Variants in CDKAL1 observed in about 807,000 individuals in gnomAD.
CDKAL1 encodes the protein threonylcarbamoyladenosine tRNA methylthiotransferase.
A neutral mutation model predicts 68.2 loss-of-function variants in CDKAL1; 32 were observed. The observed-to-expected ratio is 0.47, with a 90% CI of 0.35 to 0.63. CDKAL1 has a LOEUF of 0.63. Ranked by LOEUF, CDKAL1 falls within the 30% of genes least tolerant of loss-of-function variation. The probability of loss-of-function intolerance (pLI) is 0.00; values close to 1 mark genes in which losing one functional copy is unlikely to be tolerated. For synonymous variants in CDKAL1, 234 were observed against 244.3 expected (o/e 0.96, Z 0.39); for missense variants, 606 against 696.7 (o/e 0.87, Z 1.47).
chr6:21,087,702 A>G (rs1026748201), intron 12 of CDKAL1, among the ~76,000 whole-genome samples: 2 of 152,136 alleles, frequency 1.3e-5, no homozygotes, highest in African/African-American at 4.8e-5. Context: ...CTCTTGGTCA[A>G]TGGTTCTTAA....
intron 8 of CDKAL1, among the ~76,000 whole-genome samples, chr6:20,793,404 T>C (rs1459396300): frequency 6.6e-6 from 1 of 152,172 alleles, no homozygotes; most frequent in Non-Finnish European, 1.5e-5. Flanking sequence ...AGATGTCAAA[T>C]GCCCATGAGG....
chr6:20,770,260 A>G lies in CDKAL1; in HGVS notation c.518-10885A>G, dbSNP rs577627465. The stretch of plus-strand genomic sequence containing the variant: ...AAATGAGTGAGTGAACGTATTCCCT[A>G]ACTATAAGCAACTGTTAAAAAAGCC... On this transcript the variant is annotated intron_variant, in intron 7 of 15. Transcript: ENST00000274695. Among the ~76,000 whole-genome samples the G allele has an allele frequency of 4.6e-5, 7 of 152,296 alleles. No homozygotes were observed. In the East Asian group the frequency reaches 1.3e-3, roughly 29 times the overall value.
intron 13 of CDKAL1, among the ~76,000 whole-genome samples, chr6:21,155,810 C>T (rs1776614230): frequency 6.6e-6 from 1 of 152,066 alleles, no homozygotes; most frequent in Admixed American, 6.5e-5. Flanking sequence ...TCCAGGCCTT[C>T]CAAATGTGCT....
chr6:20,971,673 A>C (rs1206905603), intron 10 of CDKAL1, among the ~76,000 whole-genome samples: 7 of 152,184 alleles, frequency 4.6e-5, no homozygotes, highest in Non-Finnish European at 1.0e-4. Context: ...CAAATGGGTC[A>C]TTATTGTATT....
chr6:20,866,305 T>G (rs112568505), intron 9 of CDKAL1, among the ~76,000 whole-genome samples: 2,079 of 152,256 alleles, frequency 0.014, 32 homozygotes, highest in African/African-American at 0.047. Context: ...GAATAGCTAT[T>G]TCAAATATTT....
At chr6:21,092,351 A>G (rs1450674875) in intron 12 of CDKAL1, among the ~76,000 whole-genome samples, 1 of 150,626 alleles carries the variant, frequency 6.6e-6, no homozygotes, top group African/African-American at 2.4e-5. Context: ...GCACCTGTCA[A>G]CCCTTCATCT....
At chr6:21,032,014 T>C (rs1198893342) in intron 11 of CDKAL1, among the ~76,000 whole-genome samples, 3 of 152,116 alleles carry the variant, frequency 2.0e-5, no homozygotes, top group East Asian at 1.9e-4. Context: ...ACAGTATCCA[T>C]GCCATTTCGA....
chr6:21,107,462 C>G (rs1311157352), intron 12 of CDKAL1, among the ~76,000 whole-genome samples: 1 of 152,016 alleles, frequency 6.6e-6, no homozygotes, highest in Non-Finnish European at 1.5e-5. Flanking sequence ...GAGTCTCCCT[C>G]TGTTGCCCAG....
At chr6:20,712,504 G>GAA (rs372310205) in intron 5 of CDKAL1, among the ~76,000 whole-genome samples, 1 of 100,558 alleles carries the variant, frequency 9.9e-6, no homozygotes. Context: ...TGATGTGTTA[G>GAA]AAAAAAAAAA....
chr6:20,918,746 C>T (rs951181041), intron 9 of CDKAL1, among the ~76,000 whole-genome samples: 1 of 152,284 alleles, frequency 6.6e-6, no homozygotes, highest in East Asian at 1.9e-4. Context: ...ATTCCTATGC[C>T]TAAATTTAAT....
chr6:21,159,952 G>A (rs1776832920), intron 13 of CDKAL1, among the ~76,000 whole-genome samples: 1 of 152,168 alleles, frequency 6.6e-6, no homozygotes, highest in Non-Finnish European at 1.5e-5. Flanking sequence ...AAAGATCTTT[G>A]CAATGAGGCC....
At chr6:21,184,827 T>C (rs1008069727) in intron 13 of CDKAL1, among the ~76,000 whole-genome samples, 1 of 145,462 alleles carries the variant, frequency 6.9e-6, no homozygotes. Flanking sequence ...CAGCTAATTT[T>C]TTTTTTTTTT....
At chr6:20,929,272 T>G (rs1308659823) in intron 9 of CDKAL1, among the ~76,000 whole-genome samples, 1 of 152,168 alleles carries the variant, frequency 6.6e-6, no homozygotes, top group Admixed American at 6.5e-5. Context: ...CTCAGTTTTT[T>G]TGGGGACTAC....
At chr6:20,858,320 T>C (rs1311375563) in intron 9 of CDKAL1, among the ~76,000 whole-genome samples, 1 of 145,830 alleles carries the variant, frequency 6.9e-6, no homozygotes, top group African/African-American at 2.5e-5. Context: ...TTATTCTGTA[T>C]TGACTTTTTT....
chr6:20,912,002 A>G (rs1257091156), intron 9 of CDKAL1, among the ~76,000 whole-genome samples: 2 of 152,196 alleles, frequency 1.3e-5, no homozygotes, highest in Admixed American at 6.5e-5. Flanking sequence ...GGATCTGACA[A>G]CTTTCCTCTG....
chr6:20,946,453 A>T (rs886720732), intron 9 of CDKAL1, among the ~76,000 whole-genome samples: 5 of 152,170 alleles, frequency 3.3e-5, no homozygotes, highest in African/African-American at 1.2e-4. Flanking sequence ...TCACTTCATC[A>T]TTCTGGACTC....
At chr6:20,665,207 A>G (rs1769474594) in intron 5 of CDKAL1, among the ~76,000 whole-genome samples, 1 of 152,144 alleles carries the variant, frequency 6.6e-6, no homozygotes. Context: ...ATCCTCTTAT[A>G]TAAAAAGTGT....
chr6:20,869,523 A>G (rs1043038415), intron 9 of CDKAL1, among the ~76,000 whole-genome samples: 11 of 152,220 alleles, frequency 7.2e-5, no homozygotes, highest in African/African-American at 2.2e-4. Flanking sequence ...AAGCTTCAGA[A>G]TAAGAAAGTA....
intron 8 of CDKAL1, among the ~76,000 whole-genome samples, chr6:20,803,181 A>G (rs1398537958): frequency 1.3e-5 from 2 of 152,218 alleles, no homozygotes; most frequent in East Asian, 3.8e-4. Context: ...TTTGCAAACA[A>G]GGTAGAGGAA....
Sources: allele counts gnomAD v4.1 joint callset (sites outside exome capture counted in the v4.1 genomes callset), GRCh38; gene constraint gnomAD v4.1.1; transcripts MANE v1.5; gene names NCBI Gene and HGNC (gene_info 2026-07-23, HGNC 2026-07-21).